ERC2: variants seen among roughly 807,000 people sequenced by gnomAD.
ERC2 encodes the protein ERC protein 2.
A neutral mutation model predicts 114.8 loss-of-function variants in ERC2; 42 were observed. That is an observed-to-expected ratio of 0.37 (90% CI 0.29 to 0.47). The LOEUF (loss-of-function observed/expected upper bound fraction) is 0.47, where lower values mean the gene tolerates loss of function less well. Among genes scored for constraint, ERC2 ranks in the 20% least tolerant of loss-of-function variants. ERC2 has a pLI of 0.99. For missense variants in ERC2, 939 were observed against 1,150.7 expected, an observed-to-expected ratio of 0.82 and a Z score of 2.66; for synonymous variants, 454 against 425.5, an observed-to-expected ratio of 1.07 and a Z score of -0.82.
At chr3:55,565,438 A>T (rs548994135) in intron 17 of ERC2, among the ~76,000 whole-genome samples, 2 of 152,286 alleles carry the variant, frequency 1.3e-5, no homozygotes, top group Admixed American at 6.5e-5. Flanking sequence ...GGTCCAGGCC[A>T]CAGGCAGAGT....
intron 14 of ERC2, among the ~76,000 whole-genome samples, chr3:55,831,142 CAA>C (rs576800724): frequency 4.7e-5 from 5 of 105,816 alleles, no homozygotes; most frequent in African/African-American, 3.4e-5. Context: ...CCCCTCTCTA[CAA>C]AAAAAAAAAA....
intron 1 of ERC2, among the ~76,000 whole-genome samples, chr3:56,467,327 T>G (rs904269605): frequency 2.0e-5 from 3 of 152,142 alleles, no homozygotes; most frequent in African/African-American, 7.2e-5. Context: ...AATTCACCGC[T>G]CGGGGAGTAA....
At chr3:55,924,286 C>T (rs1372371947) in intron 13 of ERC2, among the ~76,000 whole-genome samples, 4 of 152,038 alleles carry the variant, frequency 2.6e-5, no homozygotes, top group Non-Finnish European at 4.4e-5. Context: ...CCTTTGTGGT[C>T]CATATGGCCT....
chr3:56,465,407 T>TA (rs2063499030), intron 1 of ERC2, among the ~76,000 whole-genome samples: 1 of 151,884 alleles, frequency 6.6e-6, no homozygotes, highest in Admixed American at 6.6e-5. Flanking sequence ...CAAAAAACAA[T>TA]AAAAAATAAA....
intron 6 of ERC2, among the ~76,000 whole-genome samples, chr3:56,110,276 C>T (rs992956631): frequency 1.3e-5 from 2 of 152,078 alleles, no homozygotes; most frequent in South Asian, 4.1e-4. Flanking sequence ...TTTCAAAGTG[C>T]ACAGAATATG....
chr3:55,608,460 G>A (rs2058739478), intron 17 of ERC2, among the ~76,000 whole-genome samples: 1 of 152,136 alleles, frequency 6.6e-6, no homozygotes, highest in African/African-American at 2.4e-5. Flanking sequence ...AGTTCCCACT[G>A]CTCATTAACT....
intron 2 of ERC2, among the ~76,000 whole-genome samples, chr3:56,345,353 G>A (rs753956270): frequency 9.2e-5 from 14 of 152,196 alleles, no homozygotes; most frequent in Non-Finnish European, 2.1e-4. Flanking sequence ...CTACTCTGAT[G>A]GGGCTTACAG....
chr3:55,573,392 T>A (rs564161862), intron 17 of ERC2, among the ~76,000 whole-genome samples: 2 of 152,304 alleles, frequency 1.3e-5, no homozygotes, highest in African/African-American at 4.8e-5. Context: ...GCCATTTGAT[T>A]GTTGAACTTT....
At chr3:56,281,281 C>T (rs2054324488) in intron 3 of ERC2, among the ~76,000 whole-genome samples, 2 of 149,960 alleles carry the variant, frequency 1.3e-5, no homozygotes, top group Admixed American at 1.3e-4. Flanking sequence ...ACTAAAAATA[C>T]AAAAAATTAG....
chr3:55,994,035 C>A (rs527679523), intron 10 of ERC2, among the ~76,000 whole-genome samples: 2 of 152,058 alleles, frequency 1.3e-5, no homozygotes, highest in Non-Finnish European at 2.9e-5. Flanking sequence ...ACTTTTGTTA[C>A]AGAAAAGCAT....
At chr3:56,039,791 A>G (rs376709664) in intron 7 of ERC2, among the ~76,000 whole-genome samples, 194 of 152,346 alleles carry the variant, frequency 1.3e-3, no homozygotes, top group African/African-American at 4.6e-3. Context: ...TGGCATAAAA[A>G]CAAACATACA....
chr3:56,011,430 C>G (rs1214879112), intron 8 of ERC2, among the ~76,000 whole-genome samples: 2 of 152,138 alleles, frequency 1.3e-5, no homozygotes, highest in Non-Finnish European at 2.9e-5. Context: ...GAACGCCTCC[C>G]ACATCCCAGG....
chr3:56,309,916 G>T (rs916722206), intron 2 of ERC2, among the ~76,000 whole-genome samples: 3 of 152,118 alleles, frequency 2.0e-5, no homozygotes, highest in African/African-American at 7.2e-5. Context: ...ATAAATCTTT[G>T]ATTATCAAAT....
In ERC2 at chr3:55,734,714, G is replaced by A. The variant is rs565496974; in HGVS notation, c.2712+57C>T. ...AAATGAAGAGTGGCTAAAATCCAGA[G>A]AAAGCCCCCAAAGCCCCAAACCCAG... On this transcript the variant is annotated intron_variant, in intron 15 of 17. Transcript: ENST00000288221. 1.9e-3 allele frequency: 3,028 copies of A among 1,554,308 alleles called. 3 individuals carry two copies. Among genetic ancestry groups the A allele is most frequent in the Non-Finnish European group, 2.3e-3 (2,665 of 1,151,708 alleles).
rs1359975049 is a variant in ERC2 at position 56,127,798 on chromosome 3, G to A, written c.1473+11711C>T. ...ATAGTCCAGTGGAACAAAACAGAGA[G>A]TCCAGAAACAAATCCACACATTTGT... On this transcript the variant is annotated intron_variant, in intron 6 of 17. Transcript: ENST00000288221. Among the ~76,000 whole-genome samples the A allele has an allele frequency of 2.0e-5, 3 of 150,384 alleles. No homozygotes were observed. The East Asian group carries it at 5.8e-4, about 29-fold the overall frequency.
chr3:55,549,021 G>C (rs2054960056), intron 17 of ERC2, among the ~76,000 whole-genome samples: 2 of 152,160 alleles, frequency 1.3e-5, no homozygotes, highest in Non-Finnish European at 2.9e-5. Flanking sequence ...TGCTATGCAG[G>C]TCAAACAAAA....
At chr3:56,130,793 C>T (rs1223698278) in intron 6 of ERC2, among the ~76,000 whole-genome samples, 1 of 152,168 alleles carries the variant, frequency 6.6e-6, no homozygotes, top group East Asian at 1.9e-4. Context: ...GCAAAGTTCA[C>T]CCAGGTAGCT....
At chr3:55,820,645 C>A (rs1030691566) in intron 14 of ERC2, among the ~76,000 whole-genome samples, 2 of 152,156 alleles carry the variant, frequency 1.3e-5, no homozygotes, top group Non-Finnish European at 2.9e-5. Flanking sequence ...GATCAGGTAG[C>A]ATACCCAAGG....
chr3:56,465,814 A>T (rs1344953848), intron 1 of ERC2, among the ~76,000 whole-genome samples: 2 of 152,298 alleles, frequency 1.3e-5, no homozygotes, highest in Admixed American at 1.3e-4. Flanking sequence ...CACAGCCTTC[A>T]AATGCAAAGG....
Sources: gnomAD v4.1 joint callset for allele counts (sites outside exome capture counted in the v4.1 genomes callset) on GRCh38, gnomAD v4.1.1 for gene constraint, MANE v1.5 for transcripts, NCBI Gene and HGNC (gene_info 2026-07-23, HGNC 2026-07-21) for gene names.